ATP13A3: variants seen among roughly 807,000 people sequenced by gnomAD.
ATP13A3 encodes the protein ATPase 13A3.
A neutral mutation model predicts 158.1 loss-of-function variants in ATP13A3; 59 were observed. That is an observed-to-expected ratio of 0.37 (90% CI 0.30 to 0.46). The LOEUF is 0.46. ATP13A3 is among the 20% of genes least tolerant of loss of function. The pLI, the probability that ATP13A3 is intolerant of heterozygous loss-of-function variation, is 1.00. For missense variants in ATP13A3, 1,166 were observed against 1,525.2 expected (o/e 0.76, Z 3.92); for synonymous variants, 491 against 504.3 (o/e 0.97, Z 0.35).
At chr3:194,482,654 C>T (rs1019982413) in intron 2 of ATP13A3, among the ~76,000 whole-genome samples, 1 of 152,144 alleles carries the variant, frequency 6.6e-6, no homozygotes, top group African/African-American at 2.4e-5. Context: ...TTCTTGCATG[C>T]TATTTGAACT....
intron 2 of ATP13A3, among the ~76,000 whole-genome samples, chr3:194,482,830 G>A (rs974505089): frequency 3.7e-4 from 57 of 152,004 alleles, no homozygotes; most frequent in Non-Finnish European, 2.5e-4. Context: ...TTTAAAGGCC[G>A]GGCGTGGTGG....
chr3:194,430,277 C>A lies in ATP13A3; in HGVS notation c.2663G>T (p.Cys888Phe). The A allele has an allele frequency of 1.9e-6, 3 of 1,613,854 alleles. No homozygotes were observed. Among genetic ancestry groups the A allele is most frequent in the Non-Finnish European group, 1.7e-6 (2 of 1,179,830 alleles). ...VGMCGDGANDCGALKRAHGGI... is the reference protein window; with the variant it reads ...VGMCGDGANDFGALKRAHGGI... ...AATCACAAAAACTATACTTACACCACAATCATTTGCGCCATCACCACACAT... is the reference window on the plus strand; with the variant it reads ...AATCACAAAAACTATACTTACACCAAAATCATTTGCGCCATCACCACACAT... Residue 888 changes from cysteine (C) to phenylalanine (F), a missense_variant, in exon 25 of 34, where the codon TGT (cysteine) becomes TTT (phenylalanine). By Grantham distance (205) the Cys-to-Phe change is radical. Transcript: ENST00000645319.
chr3:194,488,845 A>T (rs1280575635), upstream of ATP13A3: 2 of 152,252 alleles, frequency 1.3e-5, no homozygotes, highest in African/African-American at 2.4e-5. The surrounding 1 kb of genome is among the most constrained non-coding windows in gnomAD (Gnocchi z 4.1). Context: ...GATTGCCTGC[A>T]TCCTCATGGA....
Position 194,437,133 on chromosome 3 carries a change from C to T in ATP13A3, c.2082G>A (p.Glu694=), listed in dbSNP as rs1717700206. 1 of 1,614,160 alleles carries T rather than the reference C, an allele frequency of 6.2e-7. No individual in the cohort carries two copies. Among genetic ancestry groups the T allele is most frequent in the East Asian group, 2.2e-5 (1 of 44,882 alleles). Residue 694 remains glutamate (E), a synonymous_variant, in exon 20 of 34, where the codon GAG becomes GAA. Transcript: ENST00000645319. ...GTACTTTATGCCATGTCAGTTTTGACTCCAATTTTCTGTGTGCAAGAGCAA... is the reference window on the plus strand; with the variant it reads ...GTACTTTATGCCATGTCAGTTTTGATTCCAATTTTCTGTGTGCAAGAGCAA... ...RVIALAHRKL[E]SKLTWHKVQN...
At chr3:194,450,964 G>C (rs1718764234) in intron 10 of ATP13A3, 1 of 152,174 alleles carries the variant, frequency 6.6e-6, no homozygotes, top group African/African-American at 2.4e-5. Flanking sequence ...ATCTTCCGAA[G>C]GGTGAAAGGC....
At chr3:194,473,508 G>C (rs1414258176) in intron 2 of ATP13A3, among the ~76,000 whole-genome samples, 1 of 150,402 alleles carries the variant, frequency 6.6e-6, no homozygotes, top group Non-Finnish European at 1.5e-5. Flanking sequence ...ACCTGACAAG[G>C]AGCAACCTTA....
Position 194,444,759 on chromosome 3 carries a change from C to A in ATP13A3, c.1525G>T (p.Asp509Tyr). 1 of 1,604,410 alleles carries A rather than the reference C, an allele frequency of 6.2e-7. No homozygotes were observed. Among genetic ancestry groups the A allele is most frequent in the Non-Finnish European group, 8.5e-7 (1 of 1,177,442 alleles). The change falls in exon 15 of 34, where the codon GAT (aspartate) becomes TAT (tyrosine). Residue 509 changes from aspartate (D) to tyrosine (Y), a missense_variant. Physicochemically the swap from Asp to Tyr is radical, Grantham distance 160. This residue lies in a region of ATP13A3 where 997 missense variants were observed against 1,341.2 expected (regional missense o/e 0.74). Coordinates refer to ENST00000645319, the MANE Select transcript of ATP13A3 (RefSeq NM_001367549.1). ...TCCACTCGTTGAATCCCCCAAAGAT[C>A]TAAACCATCTTCAGTTAGAGTTCCA... is the stretch of plus-strand genomic sequence containing the variant. The part of the protein sequence containing the change: ...KTGTLTEDGL[D>Y]LWGIQRVENA...
At chr3:194,437,632 G>A (rs1717753896) in intron 17 of ATP13A3, 59 bp from the exon 18 acceptor site, 1 of 1,465,774 alleles carries the variant, frequency 6.8e-7, no homozygotes, top group Non-Finnish European at 9.2e-7. Context: ...ACACACTAAA[G>A]TTAGAAAAAG....
rs1272066518 is a variant in ATP13A3, at chr3:194,431,746, A to G, written c.2392T>C (p.Cys798Arg). The change falls in exon 22 of 34, where the codon TGC (cysteine) becomes CGC (arginine). Residue 798 changes from cysteine (C) to arginine (R), a missense_variant. Cys to Arg is a radical substitution (Grantham distance 180). Coordinates refer to ENST00000645319, the MANE Select transcript of ATP13A3 (RefSeq NM_001367549.1). ...GGGTCAATTGCTGATGGATGACTGC[A>G]CTGCGTGAGGGAGTCTGCATAATGC... Reference protein sequence around the residue: ...NWHYADSLTQCSHPSAIDPEA... With the variant: ...NWHYADSLTQRSHPSAIDPEA... 4 of 1,604,802 alleles carry G rather than the reference A, an allele frequency of 2.5e-6. No individual in the cohort carries two copies. The highest frequency in any genetic ancestry group is 3.4e-6 in the Non-Finnish European group (4 of 1,176,388).
Position 194,447,104 on chromosome 3 carries a change from C to T in ATP13A3, c.1320G>A (p.Gly440=), listed in dbSNP as rs2108892959. ...TATCAAGAGACTCGATAATTATGAC[C>T]CCAACTTGTACCTACAATTAACACA... ...INSILNEVQV[G]VIIIESLDII... The change falls in exon 14 of 34, where the codon GGG becomes GGA. Residue 440 remains glycine, a synonymous_variant. Coordinates refer to ENST00000645319, the MANE Select transcript of ATP13A3 (RefSeq NM_001367549.1). 2 of 1,606,646 alleles carry T rather than the reference C, an allele frequency of 1.2e-6. No homozygotes were observed. The highest frequency in any genetic ancestry group is 4.5e-5 in the East Asian group (2 of 44,696).
intron 33 of ATP13A3, among the ~76,000 whole-genome samples, chr3:194,407,211 G>A (rs1715002981): frequency 2.0e-5 from 3 of 152,150 alleles, no homozygotes; most frequent in African/African-American, 7.2e-5. Flanking sequence ...TTTGGCTGTT[G>A]CTTCTCCAAA....
chr3:194,409,316 C>A (rs1715180490), intron 33 of ATP13A3, among the ~76,000 whole-genome samples: 1 of 152,148 alleles, frequency 6.6e-6, no homozygotes, highest in South Asian at 2.1e-4. Context: ...CACAGAAAAT[C>A]AGAATTAACA....
rs140932029 is a variant in ATP13A3 at position 194,446,287 on chromosome 3, T to C, written c.1497+640A>G. On this transcript the variant is annotated intron_variant, in intron 14 of 33. Transcript: ENST00000645319. ...GCCGCGACCACTATCTACATGGAGTTTGCATGTTCTCTCCCTGTCTGCATG... is the reference window on the plus strand; with the variant it reads ...GCCGCGACCACTATCTACATGGAGTCTGCATGTTCTCTCCCTGTCTGCATG... Among the ~76,000 whole-genome samples the C allele has an allele frequency of 1.0e-3, 159 of 152,258 alleles. 1 individual carries two copies. The East Asian group carries it at 0.014, about 13-fold the overall frequency.
intron 31 of ATP13A3, among the ~76,000 whole-genome samples, chr3:194,416,979 ACTAT>A (rs1715898790): frequency 2.0e-5 from 3 of 152,210 alleles, no homozygotes; most frequent in Non-Finnish European, 4.4e-5. Flanking sequence ...TAGGGAGAAA[ACTAT>A]CTGACTTACT....
At chr3:194,432,555 C>A (rs1488916379) in intron 21 of ATP13A3, among the ~76,000 whole-genome samples, 1 of 152,048 alleles carries the variant, frequency 6.6e-6, no homozygotes, top group East Asian at 1.9e-4. Flanking sequence ...GTACACAAAG[C>A]CATATTCTGG....
intron 2 of ATP13A3, among the ~76,000 whole-genome samples, chr3:194,474,202 C>T (rs2109031856): frequency 6.6e-6 from 1 of 152,186 alleles, no homozygotes; most frequent in Non-Finnish European, 1.5e-5. Flanking sequence ...CTCACTCTGT[C>T]ACCCAGGCTG....
At position 194,433,884 on chromosome 3, in the gene ATP13A3, C is replaced by A; in HGVS notation, c.2133G>T (p.Glu711Asp). The A allele has an allele frequency of 6.2e-7, 1 of 1,613,668 alleles. No individual in the cohort carries two copies. Among genetic ancestry groups the A allele is most frequent in the Non-Finnish European group, 8.5e-7 (1 of 1,179,736 alleles). Residue 711 changes from glutamate to aspartate, a missense_variant, in exon 21 of 34, where the codon GAG (glutamate) becomes GAT (aspartate). Glu to Asp is a conservative substitution (Grantham distance 45). Transcript: ENST00000645319. ...TTAATCCCATAAAATCCATGTTGTT[C>A]TCAATTGCATCTCTGCAGAAAAAGA... ...KVQNISRDAI[E>D]NNMDFMGLII...
At chr3:194,413,617 G>A in intron 32 of ATP13A3, 142 bp downstream of exon 32, 1 of 755,638 alleles carries the variant, frequency 1.3e-6, no homozygotes, top group East Asian at 2.5e-5. Context: ...GTTCACAAGA[G>A]AAGGCTAAAT....
In ATP13A3 at chr3:194,427,179, G is replaced by A. The variant is rs1396754280; in HGVS notation, c.3021C>T (p.Leu1007=). 2 of 1,613,732 alleles carry A rather than the reference G, an allele frequency of 1.2e-6. No individual in the cohort carries two copies. The highest frequency in any genetic ancestry group is 3.3e-5 in the Admixed American group (2 of 59,926). Residue 1007 remains leucine, a synonymous_variant, in exon 29 of 34, where the codon CTC becomes CTT. Coordinates refer to ENST00000645319, the MANE Select transcript of ATP13A3 (RefSeq NM_001367549.1). ...TGATAATCTGAGACAAAACGGAGAA[G>A]AGAAGGGCCCCAGATATAAGACCCG... ...PPSGLISGAL[L]FSVLSQIIIC...
Sources: allele counts gnomAD v4.1 joint callset (sites outside exome capture counted in the v4.1 genomes callset), GRCh38; gene constraint gnomAD v4.1.1; regional missense constraint gnomAD v4.1.1; non-coding constraint Gnocchi (gnomAD v3.1); transcripts MANE v1.5; gene names NCBI Gene and HGNC (gene_info 2026-07-23, HGNC 2026-07-21).